TMEM39A: variants seen among roughly 807,000 people sequenced by gnomAD.
TMEM39A encodes the protein suppressor of SQST-1 aggregates in rpl-43 mutants.
Under a neutral mutation model 51.9 loss-of-function variants are expected in TMEM39A, and 19 were observed. The observed-to-expected ratio is 0.37, with a 90% CI of 0.26 to 0.54. The LOEUF (loss-of-function observed/expected upper bound fraction) is 0.54, where lower values mean the gene tolerates loss of function less well. TMEM39A is among the 20% of genes least tolerant of loss of function. The pLI is 0.88. For synonymous variants in TMEM39A, 197 were observed against 220.2 expected, an observed-to-expected ratio of 0.89 and a Z score of 0.93; for missense variants, 433 against 590.5, an observed-to-expected ratio of 0.73 and a Z score of 2.76.
In TMEM39A at chr3:119,462,061, C is replaced by T. The variant is rs1221239277; in HGVS notation, c.14G>A (p.Arg5Lys). 3 of 1,613,998 alleles carry T rather than the reference C, an allele frequency of 1.9e-6. No homozygotes were observed. The highest frequency in any genetic ancestry group is 2.5e-6 in the Non-Finnish European group (3 of 1,179,990). The stretch of plus-strand genomic sequence containing the variant: ...TAGCTGTTGCCGACTAGGGCCCCTC[C>T]TTCCACCGGGCATGTCCAGGAACCA... MPGGRRGPSRQQLSR... is the reference protein window; with the variant it reads MPGGKRGPSRQQLSR... Residue 5 changes from arginine to lysine, a missense_variant, in exon 2 of 9, where the codon AGG (arginine) becomes AAG (lysine). This residue lies in a region of TMEM39A where 170 missense variants were observed against 239.8 expected (regional missense o/e 0.71). Transcript: ENST00000319172.
chr3:119,444,257 T>C (rs187267740), intron 5 of TMEM39A, among the ~76,000 whole-genome samples: 1 of 152,306 alleles, frequency 6.6e-6, no homozygotes, highest in African/African-American at 2.4e-5. Flanking sequence ...TAATTAGCCG[T>C]TCAAATCAGA....
chr3:119,457,070 A>G (rs1052959180), intron 3 of TMEM39A, among the ~76,000 whole-genome samples: 2 of 150,996 alleles, frequency 1.3e-5, no homozygotes, highest in African/African-American at 4.9e-5. Context: ...TCCCGGGTTC[A>G]TGCCATTCTC....
chr3:119,449,892 G>A (rs1328629549), intron 4 of TMEM39A, among the ~76,000 whole-genome samples: 1 of 152,152 alleles, frequency 6.6e-6, no homozygotes. Flanking sequence ...CTCTACCTAC[G>A]TGGAGAGGTA....
chr3:119,459,812 T>C (rs1366283531), intron 2 of TMEM39A, among the ~76,000 whole-genome samples: 2 of 152,202 alleles, frequency 1.3e-5, no homozygotes, highest in Admixed American at 6.5e-5. Flanking sequence ...CAGAATCAAA[T>C]GTATCATCCA....
rs770841482 is a variant in TMEM39A at position 119,458,069 on chromosome 3, A to G, written c.285T>C (p.Tyr95=). The G allele has an allele frequency of 1.5e-5, 25 of 1,614,056 alleles. No individual in the cohort carries two copies. The South Asian group carries it at 2.4e-4, about 16-fold the overall frequency. ...TGTAAGGATACCACCACACTGTTTT[A>G]TAAATGTTGATGTACTGAATGAAAA... ...VALFIQYINI[Y]KTVWWYPYNH... The change falls in exon 3 of 9, where the codon TAT becomes TAC. Residue 95 remains tyrosine (Y), a synonymous_variant. Coordinates refer to ENST00000319172, the MANE Select transcript of TMEM39A (RefSeq NM_018266.3).
intron 4 of TMEM39A, chr3:119,451,372 G>C (rs1376865697): frequency 1.0e-6 from 1 of 988,490 alleles, no homozygotes; most frequent in Non-Finnish European, 1.4e-6. Flanking sequence ...TGTGATTATA[G>C]TAACTATTCA....
chr3:119,431,804 G>A lies in TMEM39A; in HGVS notation c.*177C>T, dbSNP rs554285322. The A allele has an allele frequency of 4.0e-5, 19 of 480,098 alleles. No homozygotes were observed. In the South Asian group the frequency reaches 6.7e-4, roughly 17 times the overall value. The allele number at this position is 480,098 out of a possible 1,614,324, so 29.7% of individuals were successfully genotyped here. On this transcript the variant is annotated 3_prime_UTR_variant, in exon 9 of 9. Transcript: ENST00000319172. ...ATATTATTCGAATATACTAACACAT[G>A]AAAGATCACATCACCTTGTTTACGG...
intron 4 of TMEM39A, 150 bp from the exon 5 acceptor site, chr3:119,447,322 T>A (rs868374379): frequency 3.8e-5 from 28 of 730,726 alleles, no homozygotes; most frequent in Middle Eastern, 6.5e-4. Flanking sequence ...TCCCACCTTA[T>A]CTTCGTAATA....
rs971585029 is a variant in TMEM39A at position 119,452,597 on chromosome 3, G to A, written c.337-67C>T. ...GTGTATTCAGCTGGCACTACTACAA[G>A]AATAGAGGTTTATCCCTCAAAAGAT... On this transcript the variant is annotated intron_variant, in intron 3 of 8. Coordinates refer to ENST00000319172, the MANE Select transcript of TMEM39A (RefSeq NM_018266.3). The A allele has an allele frequency of 7.9e-6, 10 of 1,259,770 alleles. No homozygotes were observed. The East Asian group carries it at 2.5e-4, about 31-fold the overall frequency. The allele number at this position is 1,259,770 out of a possible 1,614,324, so 78.0% of individuals were successfully genotyped here. A position where few individuals can be genotyped will look rare whatever the true frequency, so the allele number is the denominator to read the frequency against.
intron 2 of TMEM39A, among the ~76,000 whole-genome samples, 180 bp downstream of exon 2, chr3:119,461,782 C>T (rs2081342824): frequency 6.6e-6 from 1 of 152,152 alleles, no homozygotes; most frequent in African/African-American, 2.4e-5. Flanking sequence ...GGCCCCATTT[C>T]ACATCTTTTT....
intron 7 of TMEM39A, chr3:119,436,072 G>A (rs1294299060): frequency 1.9e-6 from 1 of 527,918 alleles, no homozygotes; most frequent in African/African-American, 2.0e-5. Flanking sequence ...AATTACAAAA[G>A]GGGGAAGATG....
chr3:119,439,132 C>G (rs7430798), intron 5 of TMEM39A, among the ~76,000 whole-genome samples: 1 of 152,060 alleles, frequency 6.6e-6, no homozygotes, highest in East Asian at 1.9e-4. Context: ...TTTGAGACTT[C>G]TGATAACTTC....
chr3:119,462,731 T>G (rs1194894025), intron 1 of TMEM39A, among the ~76,000 whole-genome samples: 1 of 145,840 alleles, frequency 6.9e-6, no homozygotes, highest in Non-Finnish European at 1.5e-5. Context: ...TTTAACAGTT[T>G]AAAAGTAAAA....
At chr3:119,452,370 G>T in intron 4 of TMEM39A, 77 bp downstream of exon 4, 2 of 1,040,032 alleles carry the variant, frequency 1.9e-6, no homozygotes, top group South Asian at 1.4e-5. Flanking sequence ...ATGGGGACAC[G>T]TCACGTTTTT....
intron 2 of TMEM39A, among the ~76,000 whole-genome samples, chr3:119,460,437 T>C (rs2081322335): frequency 6.6e-6 from 1 of 152,186 alleles, no homozygotes; most frequent in Non-Finnish European, 1.5e-5. Flanking sequence ...TTCAGTTCTT[T>C]TTAATAGCAG....
At chr3:119,442,349 A>G (rs550870144) in intron 5 of TMEM39A, among the ~76,000 whole-genome samples, 31 of 152,134 alleles carry the variant, frequency 2.0e-4, no homozygotes, top group African/African-American at 7.5e-4. Context: ...TCTCAAAAAA[A>G]AAAAAAAAAA....
chr3:119,463,522 C>G lies in TMEM39A; in HGVS notation c.-261G>C. ...AGGCTTCGGGCTGCCAGACTCAGAC[C>G]CAGACTCCGACGCAGTTCCAGTGCC... On this transcript the variant is annotated 5_prime_UTR_variant, in exon 1 of 9. Coordinates refer to ENST00000319172, the MANE Select transcript of TMEM39A (RefSeq NM_018266.3). 2.5e-6 allele frequency: 1 copy of G among 398,930 alleles called. No homozygotes were observed. The highest frequency in any genetic ancestry group is 4.4e-6 in the Non-Finnish European group (1 of 226,310). The allele number at this position is 398,930 out of a possible 1,614,324, so 24.7% of individuals were successfully genotyped here. A position where few individuals can be genotyped will look rare whatever the true frequency, so the allele number is the denominator to read the frequency against.
At chr3:119,456,634 G>A (rs1362866363) in intron 3 of TMEM39A, among the ~76,000 whole-genome samples, 2 of 152,140 alleles carry the variant, frequency 1.3e-5, no homozygotes, top group Non-Finnish European at 2.9e-5. Context: ...CAACCTATCT[G>A]TCAAGTCATC....
intron 4 of TMEM39A, among the ~76,000 whole-genome samples, chr3:119,451,912 C>A (rs187805808): frequency 2.0e-5 from 3 of 149,648 alleles, no homozygotes; most frequent in Admixed American, 1.3e-4. Flanking sequence ...TTAAAAAGAT[C>A]ATTTAATGTT....
Sources: allele counts gnomAD v4.1 joint callset (sites outside exome capture counted in the v4.1 genomes callset), GRCh38; gene constraint gnomAD v4.1.1; regional missense constraint gnomAD v4.1.1; transcripts MANE v1.5; gene names NCBI Gene and HGNC (gene_info 2026-07-23, HGNC 2026-07-21).